The following PLA2G4A variants were observed in gnomAD, a reference collection of about 807,000 sequenced individuals.
PLA2G4A encodes the protein phospholipase A2 group IVA.
PLA2G4A carries 40 observed loss-of-function variants against 81.9 expected under a neutral mutation model. That is an observed-to-expected ratio of 0.49 (90% CI 0.38 to 0.64). The LOEUF is 0.64. Among genes scored for constraint, PLA2G4A ranks in the 30% least tolerant of loss-of-function variants. PLA2G4A has a pLI of 0.00. For missense variants in PLA2G4A, 715 were observed against 905.1 expected, an observed-to-expected ratio of 0.79 and a Z score of 2.69; for synonymous variants, 302 against 296.9, an observed-to-expected ratio of 1.02 and a Z score of -0.18.
intron 16 of PLA2G4A, 32 bp from the exon 17 acceptor site, chr1:186,979,283 A>T: frequency 1.3e-6 from 2 of 1,567,100 alleles, no homozygotes; most frequent in Non-Finnish European, 8.8e-7. Flanking sequence ...AGTTTTCAAA[A>T]TAACACCCTT....
chr1:186,953,488 G>T (rs1656636407), intron 13 of PLA2G4A, among the ~76,000 whole-genome samples: 1 of 12,644 alleles, frequency 7.9e-5, no homozygotes, highest in African/African-American at 1.0e-3. Context: ...TATGTCTGTT[G>T]CAAATAATTT....
chr1:186,835,178 T>G (rs945250848), intron 1 of PLA2G4A, among the ~76,000 whole-genome samples: 5 of 152,204 alleles, frequency 3.3e-5, no homozygotes, highest in Non-Finnish European at 5.9e-5. Context: ...CATACTTTTA[T>G]GCCCACAGTT....
intron 1 of PLA2G4A, among the ~76,000 whole-genome samples, chr1:186,840,449 C>T (rs1651940980): frequency 6.6e-6 from 1 of 152,162 alleles, no homozygotes; most frequent in Non-Finnish European, 1.5e-5. Context: ...TTACATGTTA[C>T]CCAGTTCAGG....
At chr1:186,893,918 C>CAAAAAA (rs35114616) in intron 4 of PLA2G4A, among the ~76,000 whole-genome samples, 180 bp from the exon 5 acceptor site, 1 of 118,292 alleles carries the variant, frequency 8.5e-6, no homozygotes, top group African/African-American at 3.5e-5. Flanking sequence ...GACCCTGTCT[C>CAAAAAA]AAAAAAAAAA....
intron 15 of PLA2G4A, among the ~76,000 whole-genome samples, chr1:186,974,456 C>A (rs1382225977): frequency 6.6e-6 from 1 of 152,172 alleles, no homozygotes; most frequent in Non-Finnish European, 1.5e-5. Flanking sequence ...GATCAGGCCA[C>A]AGCACTCCAG....
chr1:186,961,178 G>A (rs1310202353), intron 14 of PLA2G4A, among the ~76,000 whole-genome samples: 1 of 148,900 alleles, frequency 6.7e-6, no homozygotes, highest in East Asian at 2.0e-4. Flanking sequence ...GCTGGGGGGG[G>A]ATTTGGGGAG....
chr1:186,860,070 G>T (rs925767688), intron 2 of PLA2G4A, among the ~76,000 whole-genome samples: 1 of 152,006 alleles, frequency 6.6e-6, no homozygotes, highest in Non-Finnish European at 1.5e-5. Flanking sequence ...GAATTTCTTT[G>T]AGCACTAAAA....
chr1:186,926,861 T>C (rs1015771875), intron 7 of PLA2G4A, among the ~76,000 whole-genome samples: 1 of 152,222 alleles, frequency 6.6e-6, no homozygotes, highest in Non-Finnish European at 1.5e-5. Context: ...AGTAGAACAG[T>C]AATATTATAC....
At chr1:186,876,104 A>G (rs1232725715) in intron 3 of PLA2G4A, among the ~76,000 whole-genome samples, 1 of 152,068 alleles carries the variant, frequency 6.6e-6, no homozygotes, top group African/African-American at 2.4e-5. Flanking sequence ...CCTTTAGTGG[A>G]GATGTGTTGT....
chr1:186,894,083 C>T lies in PLA2G4A; in HGVS notation c.265-15C>T. The T allele has an allele frequency of 1.0e-6, 1 of 975,016 alleles. No homozygotes were observed. Among genetic ancestry groups the T allele is most frequent in the Admixed American group, 1.7e-5 (1 of 59,240 alleles). 60.4% of individuals were successfully genotyped at this position (975,016 alleles called of 1,614,324 possible). A position where few individuals can be genotyped will look rare whatever the true frequency, so the allele number is the denominator to read the frequency against. ...TGGGAAATTTTATTTTTGTGCTTTACATTTTACTCTGTAGATTACGTTAAT... is the reference window on the plus strand; with the variant it reads ...TGGGAAATTTTATTTTTGTGCTTTATATTTTACTCTGTAGATTACGTTAAT... On this transcript the variant is annotated splice_polypyrimidine_tract_variant and intron_variant, in intron 4 of 17. Transcript: ENST00000367466.
At chr1:186,845,368 T>C (rs1652135240) in intron 1 of PLA2G4A, among the ~76,000 whole-genome samples, 1 of 152,098 alleles carries the variant, frequency 6.6e-6, no homozygotes, top group Admixed American at 6.6e-5. Context: ...CTGTGCTTGG[T>C]GATTTACATA....
intron 3 of PLA2G4A, 137 bp from the exon 4 acceptor site, chr1:186,892,874 T>C (rs1654195962): frequency 8.7e-6 from 6 of 691,414 alleles, no homozygotes; most frequent in Non-Finnish European, 2.6e-6. Flanking sequence ...CTATTATGTG[T>C]ATATTATCTT....
intron 1 of PLA2G4A, among the ~76,000 whole-genome samples, chr1:186,850,600 T>C (rs1652339252): frequency 6.6e-6 from 1 of 152,144 alleles, no homozygotes; most frequent in Non-Finnish European, 1.5e-5. Context: ...ATGAACAAAG[T>C]ATCTCCTATG....
At chr1:186,889,577 C>T (rs947675221) in intron 3 of PLA2G4A, among the ~76,000 whole-genome samples, 1 of 152,164 alleles carries the variant, frequency 6.6e-6, no homozygotes, top group Non-Finnish European at 1.5e-5. Context: ...TCTAAAGAAG[C>T]TGATGACTAC....
chr1:186,858,530 A>C (rs1214363936), intron 2 of PLA2G4A, among the ~76,000 whole-genome samples: 1 of 152,128 alleles, frequency 6.6e-6, no homozygotes, highest in Admixed American at 6.6e-5. Flanking sequence ...TAGACTGCCA[A>C]AATTTTCTCC....
intron 1 of PLA2G4A, among the ~76,000 whole-genome samples, chr1:186,836,948 A>G (rs2101999784): frequency 6.6e-6 from 1 of 152,320 alleles, no homozygotes; most frequent in Admixed American, 6.5e-5. Context: ...TGTGACGGAT[A>G]AAAAGCCATC....
chr1:186,921,748 AG>A (rs1253974667), intron 7 of PLA2G4A, among the ~76,000 whole-genome samples: 3 of 152,026 alleles, frequency 2.0e-5, no homozygotes, highest in Non-Finnish European at 4.4e-5. Flanking sequence ...TGGGTCGGAC[AG>A]GACTTTTGGT....
At chr1:186,870,270 G>A (rs148416372) in intron 2 of PLA2G4A, among the ~76,000 whole-genome samples, 165 bp from the exon 3 acceptor site, 9 of 152,174 alleles carry the variant, frequency 5.9e-5, no homozygotes, top group Non-Finnish European at 8.8e-5. Context: ...CAATGATTCT[G>A]TGATGAGAGA....
intron 1 of PLA2G4A, among the ~76,000 whole-genome samples, chr1:186,835,681 T>C (rs773273018): frequency 6.6e-6 from 1 of 152,190 alleles, no homozygotes; most frequent in Non-Finnish European, 1.5e-5. Flanking sequence ...GAGAGAACAC[T>C]AGGAAATTTC....
Sources: gnomAD v4.1 joint callset for allele counts (sites outside exome capture counted in the v4.1 genomes callset) on GRCh38, gnomAD v4.1.1 for gene constraint, MANE v1.5 for transcripts, NCBI Gene and HGNC (gene_info 2026-07-23, HGNC 2026-07-21) for gene names.